The following ERICH1 variants were observed in gnomAD, a reference collection of about 807,000 sequenced individuals.
The protein encoded by ERICH1 is glutamate rich 1.
A neutral mutation model predicts 39.6 loss-of-function variants in ERICH1; 56 were observed. The observed-to-expected ratio is 1.41, with a 90% CI of 1.14 to 1.77. The LOEUF is 1.77. Among genes scored for constraint, ERICH1 ranks in the 40% most tolerant of loss-of-function variants. The pLI is 0.00. For synonymous variants in ERICH1, 313 were observed against 223.6 expected, an observed-to-expected ratio of 1.40 and a Z score of -3.57; for missense variants, 826 against 575.4, an observed-to-expected ratio of 1.44 and a Z score of -4.45.
At chr8:723,751 A>T (rs4735914) in intron 1 of ERICH1, among the ~76,000 whole-genome samples, 4 of 152,054 alleles carry the variant, frequency 2.6e-5, no homozygotes, top group Admixed American at 2.6e-4. Flanking sequence ...GTAAAAACTA[A>T]GTTAAATGCC....
At chr8:715,280 G>A (rs1239569379) in intron 2 of ERICH1, among the ~76,000 whole-genome samples, 1 of 151,874 alleles carries the variant, frequency 6.6e-6, no homozygotes, top group African/African-American at 2.4e-5. Flanking sequence ...GGGATGTGCT[G>A]CACCCAGGTG....
chr8:708,079 A>G (rs763990883), intron 2 of ERICH1, among the ~76,000 whole-genome samples: 3 of 152,142 alleles, frequency 2.0e-5, no homozygotes, highest in Non-Finnish European at 4.4e-5. Context: ...GAAAACCACA[A>G]TGAGATACCA....
At chr8:730,172 G>A (rs1819652834) in intron 1 of ERICH1, among the ~76,000 whole-genome samples, 1 of 152,148 alleles carries the variant, frequency 6.6e-6, no homozygotes, top group East Asian at 1.9e-4. Context: ...AAACTCTTAG[G>A]TCATTTTTAA....
At chr8:671,146 T>C (rs1252443343) in intron 4 of ERICH1, among the ~76,000 whole-genome samples, 154 of 85,804 alleles carry the variant, frequency 1.8e-3, no homozygotes, top group South Asian at 3.0e-3. Flanking sequence ...CCAGCCCCGG[T>C]TCTAATGTCT....
At position 642,286 on chromosome 8, in the gene ERICH1, C is replaced by T. The variant is rs368511537; in HGVS notation, c.976+26312G>A. On this transcript the variant is annotated intron_variant, in intron 3 of 3. Coordinates refer to the ERICH1 transcript ENST00000522706. ...TTTGCTTTGCTCTCATTCATTTTAGCAGGGGAACTGCTGCAAAGAACATCC... is the reference window on the plus strand; with the variant it reads ...TTTGCTTTGCTCTCATTCATTTTAGTAGGGGAACTGCTGCAAAGAACATCC... 7.4e-5 allele frequency among the ~76,000 whole-genome samples: 11 copies of T among 149,402 alleles called. No homozygotes were observed. In the South Asian group the frequency reaches 2.3e-3, roughly 32 times the overall value.
At chr8:708,681 G>GTTTTTTTTTTTTTTTTTTTTTTTT (rs139731216) in intron 2 of ERICH1, among the ~76,000 whole-genome samples, 20 of 65,774 alleles carry the variant, frequency 3.0e-4, no homozygotes, top group Non-Finnish European at 4.2e-4. Context: ...GGGATAATGA[G>GTTTTTTTTTTTTTTTTTTTTTTTT]TTTTTTTTTT....
intron 4 of ERICH1, among the ~76,000 whole-genome samples, chr8:670,861 C>T (rs1299674273): frequency 6.7e-6 from 1 of 150,264 alleles, no homozygotes; most frequent in African/African-American, 2.5e-5. Flanking sequence ...CCTGCTTCGA[C>T]CTCTGAGCCC....
intron 1 of ERICH1, among the ~76,000 whole-genome samples, chr8:723,895 T>G (rs555241888): frequency 1.3e-5 from 2 of 152,270 alleles, no homozygotes; most frequent in Admixed American, 1.3e-4. Flanking sequence ...AGGAATAAAC[T>G]GGTAATAGAA....
At chr8:649,496 T>C (rs1416194351) in intron 3 of ERICH1, among the ~76,000 whole-genome samples, 4 of 152,076 alleles carry the variant, frequency 2.6e-5, no homozygotes, top group Non-Finnish European at 5.9e-5. Flanking sequence ...ATCCTGTGCA[T>C]TGTGGAAATG....
intron 4 of ERICH1, 182 bp from the exon 5 acceptor site, chr8:668,974 A>G: frequency 1.6e-6 from 1 of 620,296 alleles, no homozygotes; most frequent in Non-Finnish European, 2.8e-6. Flanking sequence ...ATACCACTGC[A>G]TGAACGACTG....
chr8:687,667 C>A (rs1426907553), intron 3 of ERICH1, among the ~76,000 whole-genome samples: 1 of 152,114 alleles, frequency 6.6e-6, no homozygotes, highest in Non-Finnish European at 1.5e-5. Flanking sequence ...GCGGCCCAGG[C>A]GAGGCAGGAC....
intron 3 of ERICH1, among the ~76,000 whole-genome samples, chr8:628,039 C>T (rs570561344): frequency 6.6e-6 from 1 of 152,152 alleles, no homozygotes; most frequent in Non-Finnish European, 1.5e-5. Context: ...AAGCCAGCGG[C>T]CCCTCCCTTC....
At position 720,294 on chromosome 8, in the gene ERICH1, G is replaced by A. The variant is rs114372402; in HGVS notation, c.23-4287C>T. The stretch of plus-strand genomic sequence containing the variant: ...GGAAACACACCTGCCCCACGCCAGC[G>A]TCACCCACGGACATGACCGATGGCA... On this transcript the variant is annotated intron_variant, in intron 1 of 5. Coordinates refer to ENST00000262109, the MANE Select transcript of ERICH1 (RefSeq NM_207332.3). Among the ~76,000 whole-genome samples, 618 of 152,210 alleles carry A rather than the reference G, an allele frequency of 4.1e-3. 5 individuals carry two copies. The highest frequency in any genetic ancestry group is 0.014 in the African/African-American group (580 of 41,510).
At chr8:725,493 T>G (rs1290012735) in intron 1 of ERICH1, 1 of 152,292 alleles carries the variant, frequency 6.6e-6, no homozygotes, top group African/African-American at 2.4e-5. Flanking sequence ...TGCTGTGCAC[T>G]GAGGCGCCAG....
chr8:727,658 C>A (rs1452334017), intron 1 of ERICH1, among the ~76,000 whole-genome samples: 1 of 152,230 alleles, frequency 6.6e-6, no homozygotes, highest in Non-Finnish European at 1.5e-5. Flanking sequence ...GTTCCCCAGG[C>A]TGACACCAGG....
At chr8:633,827 G>T (rs1798206064) in intron 3 of ERICH1, among the ~76,000 whole-genome samples, 2 of 152,216 alleles carry the variant, frequency 1.3e-5, no homozygotes, top group African/African-American at 4.8e-5. Context: ...TGGGAAACAG[G>T]ACATCCACAC....
rs115887455 is a variant in ERICH1 at position 673,572 on chromosome 8, C to T, written c.780G>A (p.Pro260=). 1,026 of 1,551,044 alleles carry T rather than the reference C, an allele frequency of 6.6e-4. 6 individuals carry two copies. In the African/African-American group the frequency reaches 0.012, roughly 18 times the overall value. ...CGTCTTTAACGTCTTCCTCCCCGGC[C>T]GGTGTCGGATCTTCCTCACTGGCGT... ...GADASEEDPT[P]AGEEDVKDAR... is the part of the protein sequence containing the mutation. The change falls in exon 4 of 6, where the codon CCG becomes CCA. Residue 260 remains proline (P), a synonymous_variant. Transcript: ENST00000262109.
At chr8:725,153 G>A (rs547351302) in intron 1 of ERICH1, 6 of 190,066 alleles carry the variant, frequency 3.2e-5, no homozygotes, top group South Asian at 2.2e-4. Context: ...TGACCCCTCC[G>A]GCTTCCTGTC....
intron 4 of ERICH1, chr8:671,779 C>A (rs1803483605): frequency 6.1e-6 from 1 of 163,498 alleles, no homozygotes; most frequent in Non-Finnish European, 1.3e-5. Flanking sequence ...CCTGCCGGCC[C>A]CGGCTCTAAT....
Sources: gnomAD v4.1 joint callset for allele counts (sites outside exome capture counted in the v4.1 genomes callset) on GRCh38, gnomAD v4.1.1 for gene constraint, MANE v1.5 for transcripts, NCBI Gene and HGNC (gene_info 2026-07-23, HGNC 2026-07-21) for gene names.